BCDIN3D: variants seen among roughly 807,000 people sequenced by gnomAD.
BCDIN3D encodes BCDIN3 domain containing RNA methyltransferase.
BCDIN3D carries 15 observed loss-of-function variants against 21.2 expected under a neutral mutation model. The ratio of observed to expected loss-of-function variants is 0.71; its 90% CI spans 0.47 to 1.09. The LOEUF (loss-of-function observed/expected upper bound fraction) is 1.09, where lower values mean the gene tolerates loss of function less well. BCDIN3D is among the 50% of genes least tolerant of loss of function. The probability of loss-of-function intolerance (pLI) is 0.00; values close to 1 mark genes in which losing one functional copy is unlikely to be tolerated. For synonymous variants in BCDIN3D, 127 were observed against 141.9 expected, an observed-to-expected ratio of 0.90 and a Z score of 0.75; for missense variants, 331 against 366.2, an observed-to-expected ratio of 0.90 and a Z score of 0.79.
At position 49,837,270 on chromosome 12, in the gene BCDIN3D, G is replaced by A. The variant is rs1946511932; in HGVS notation, c.*1101C>T. On this transcript the variant is annotated 3_prime_UTR_variant, in exon 2 of 2. Transcript: ENST00000333924. ...TTTGGGGACCATAAGCATGTAGGTA[G>A]TTGTTTTTTTTTTTGTTTTTTTTTT... is the stretch of plus-strand genomic sequence containing the variant. 7.2e-6 allele frequency: 1 copy of A among 137,972 alleles called. No homozygotes were observed. The highest frequency in any genetic ancestry group is 2.7e-5 in the African/African-American group (1 of 36,490). The allele number at this position is 137,972 out of a possible 1,614,324, so 8.5% of individuals were successfully genotyped here. A position where few individuals can be genotyped will look rare whatever the true frequency, so the allele number is the denominator to read the frequency against.
chr12:49,838,907 G>C lies in BCDIN3D; in HGVS notation c.343C>G (p.Leu115Val), dbSNP rs1271161674. 6.2e-7 allele frequency: 1 copy of C among 1,614,188 alleles called. No individual in the cohort carries two copies. The highest frequency in any genetic ancestry group is 8.5e-7 in the Non-Finnish European group (1 of 1,180,048). ...CATTCTTTTTCGGCTCGCTTCACCAGGACTGGATCTATGTCGCAGCAGAGG... is the reference window on the plus strand; with the variant it reads ...CATTCTTTTTCGGCTCGCTTCACCACGACTGGATCTATGTCGCAGCAGAGG... Reference protein sequence around the residue: ...RLLCCDIDPVLVKRAEKECPF... With the variant: ...RLLCCDIDPVVVKRAEKECPF... The change falls in exon 2 of 2, where the codon CTG (leucine) becomes GTG (valine). Residue 115 changes from leucine (L) to valine (V), a missense_variant. Leu to Val is a conservative substitution (Grantham distance 32, BLOSUM62 1). Coordinates refer to ENST00000333924, the MANE Select transcript of BCDIN3D (RefSeq NM_181708.3).
chr12:49,843,082 C>A lies in BCDIN3D; in HGVS notation c.6G>T (p.Ala2=), dbSNP rs1175948033. Reference sequence around the variant, plus strand: ...TCCCTCCATCCAGTTCCGTGGGCACCGCCATTAGCCTCAACACAGCCTCTG... The same window carrying A: ...TCCCTCCATCCAGTTCCGTGGGCACAGCCATTAGCCTCAACACAGCCTCTG... M[A]VPTELDGGSV... The change falls in exon 1 of 2, where the codon GCG becomes GCT. Residue 2 remains alanine, a synonymous_variant. Coordinates refer to ENST00000333924, the MANE Select transcript of BCDIN3D (RefSeq NM_181708.3). The A allele has an allele frequency of 1.9e-6, 3 of 1,612,498 alleles. No homozygotes were observed. The African/African-American group carries it at 4.0e-5, about 22-fold the overall frequency.
chr12:49,842,911 A>C lies in BCDIN3D; in HGVS notation c.177T>G (p.Phe59Leu). Residue 59 changes from phenylalanine (F) to leucine (L), a missense_variant, in exon 1 of 2, where the codon TTT becomes TTG. Coordinates refer to ENST00000333924, the MANE Select transcript of BCDIN3D (RefSeq NM_181708.3). ...TCGGCCCGTTCTCGGGACTCTCAGG[A>C]AAGAGCTGTCGAAGCAGCTCCGGGG... is the stretch of plus-strand genomic sequence containing the variant. ...LLPPELLRQL[F>L]PESPENGPIL... The C allele has an allele frequency of 1.2e-6, 2 of 1,613,954 alleles. No homozygotes were observed. Among genetic ancestry groups the C allele is most frequent in the Middle Eastern group, 3.3e-4 (2 of 6,060 alleles).
At chr12:49,842,744 C>G in intron 1 of BCDIN3D, 110 bp downstream of exon 1, 3 of 989,700 alleles carry the variant, frequency 3.0e-6, no homozygotes, top group Non-Finnish European at 4.6e-6. Context: ...ACGCTTTATA[C>G]TCGTTTTGGG....
Position 49,838,642 on chromosome 12 carries a change from T to C in BCDIN3D, c.608A>G (p.Tyr203Cys). Residue 203 changes from tyrosine (Y) to cysteine (C), a missense_variant, in exon 2 of 2, where the codon TAC becomes TGC. Tyr to Cys is a radical substitution (Grantham distance 194). Transcript: ENST00000333924. The stretch of plus-strand genomic sequence containing the variant: ...TCGGAGACGCCTTGCAGCTGCCCGG[T>C]AACACTTCCAGGGTTGGGGCTCCAC... The part of the protein sequence containing the change: ...LLVEPQPWKC[Y>C]RAAARRLRKL... The C allele has an allele frequency of 6.2e-7, 1 of 1,613,876 alleles. No individual in the cohort carries two copies. Among genetic ancestry groups the C allele is most frequent in the African/African-American group, 1.3e-5 (1 of 75,020 alleles).
rs749412758 is a variant in BCDIN3D at position 49,838,826 on chromosome 12, G to A, written c.424C>T (p.Arg142Trp). 15 of 1,613,958 alleles carry A rather than the reference G, an allele frequency of 9.3e-6. No homozygotes were observed. Among genetic ancestry groups the A allele is most frequent in the East Asian group, 2.2e-5 (1 of 44,894 alleles). ...AAGAAAGAGCTCAAGAGAACCTTCC[G>A]GGTCCTTTGATTCATGAAGTCCAGG... Reference protein sequence around the residue: ...ITLDFMNQRTRKVLLSSFLSQ... With the variant: ...ITLDFMNQRTWKVLLSSFLSQ... The change falls in exon 2 of 2, where the codon CGG (arginine) becomes TGG (tryptophan). Residue 142 changes from arginine to tryptophan, a missense_variant. Transcript: ENST00000333924.
In BCDIN3D at chr12:49,842,999, G is replaced by C. The variant is rs148917422; in HGVS notation, c.89C>G (p.Pro30Arg). 6 of 1,614,084 alleles carry C rather than the reference G, an allele frequency of 3.7e-6. No homozygotes were observed. In the Admixed American group the frequency reaches 8.3e-5, roughly 22 times the overall value. ...ESRVLAPGAA[P>R]FGNFPHYSRF... is the part of the protein sequence containing the mutation. ...AGAATAATGAGGAAAATTTCCGAAC[G>C]GGGCGGCGCCAGGTGCCAGAACTCG... The change falls in exon 1 of 2, where the codon CCG (proline) becomes CGG (arginine). Residue 30 changes from proline to arginine, a missense_variant. By Grantham distance (103) the Pro-to-Arg change is moderately radical (BLOSUM62 -2). Coordinates refer to ENST00000333924, the MANE Select transcript of BCDIN3D (RefSeq NM_181708.3).
intron 1 of BCDIN3D, chr12:49,842,523 G>C: frequency 3.1e-6 from 1 of 317,944 alleles, no homozygotes; most frequent in South Asian, 4.1e-5. Flanking sequence ...GTTCCCAAAC[G>C]TGTGTCTCTG....
chr12:49,842,175 G>A (rs959633410), intron 1 of BCDIN3D, among the ~76,000 whole-genome samples: 12 of 152,184 alleles, frequency 7.9e-5, no homozygotes, highest in Non-Finnish European at 1.5e-4. Context: ...CCGCCTCCCG[G>A]GTTCACGCCA....
Position 49,836,994 on chromosome 12 carries a change from C to T in BCDIN3D, c.*1377G>A, listed in dbSNP as rs1168419427. 2.0e-5 allele frequency: 3 copies of T among 152,186 alleles called. No homozygotes were observed. The highest frequency in any genetic ancestry group is 1.9e-4 in the East Asian group (1 of 5,200). The allele number at this position is 152,186 out of a possible 1,614,324, so 9.4% of individuals were successfully genotyped here. A position where few individuals can be genotyped will look rare whatever the true frequency, so the allele number is the denominator to read the frequency against. On this transcript the variant is annotated 3_prime_UTR_variant, in exon 2 of 2. Coordinates refer to ENST00000333924, the MANE Select transcript of BCDIN3D (RefSeq NM_181708.3). Reference sequence around the variant, plus strand: ...GGACACATGTATGGAATGAAACTTACATGTAATTGATAGAATTTGCTGCTG... The same window carrying T: ...GGACACATGTATGGAATGAAACTTATATGTAATTGATAGAATTTGCTGCTG...
At chr12:49,839,207 A>G (rs1472371277) in intron 1 of BCDIN3D, 192 bp from the exon 2 acceptor site, 2 of 588,810 alleles carry the variant, frequency 3.4e-6, no homozygotes, top group African/African-American at 3.7e-5. Flanking sequence ...CAGGGGTCAC[A>G]TGCTGTAATG....
rs1325804657 is a variant in BCDIN3D, at chr12:49,836,741, G to A, written c.*1630C>T. On this transcript the variant is annotated 3_prime_UTR_variant, in exon 2 of 2. Coordinates refer to ENST00000333924, the MANE Select transcript of BCDIN3D (RefSeq NM_181708.3). ...GAGATGTTTTTCTCATAAGCCTCCA[G>A]TCTAACAAGTGCAGTTGTGGTCTGC... 6.6e-6 allele frequency: 1 copy of A among 152,220 alleles called. No individual in the cohort carries two copies. The highest frequency in any genetic ancestry group is 1.5e-5 in the Non-Finnish European group (1 of 68,050). 9.4% of individuals were successfully genotyped at this position (152,220 alleles called of 1,614,324 possible).
rs191135776 is a variant in BCDIN3D, at chr12:49,842,885, A to C, written c.203T>G (p.Ile68Ser). 3 of 1,610,988 alleles carry C rather than the reference A, an allele frequency of 1.9e-6. No individual in the cohort carries two copies. The African/African-American group carries it at 4.0e-5, about 21-fold the overall frequency. Residue 68 changes from isoleucine to serine, a missense_variant, in exon 1 of 2, where the codon ATT becomes AGT. Coordinates refer to ENST00000333924, the MANE Select transcript of BCDIN3D (RefSeq NM_181708.3). ...GTTACACCCCACGTCGAGCCCCAGA[A>C]TCGGCCCGTTCTCGGGACTCTCAGG... ...LFPESPENGPILGLDVGCNSG... is the reference protein window; with the variant it reads ...LFPESPENGPSLGLDVGCNSG...
rs765821129 is a variant in BCDIN3D at position 49,838,894 on chromosome 12, G to A, written c.356C>T (p.Ala119Val). The A allele has an allele frequency of 3.7e-6, 6 of 1,614,134 alleles. No individual in the cohort carries two copies. The Middle Eastern group carries it at 6.6e-4, about 178-fold the overall frequency. The change falls in exon 2 of 2, where the codon GCC (alanine) becomes GTC (valine). Residue 119 changes from alanine (A) to valine (V), a missense_variant. Transcript: ENST00000333924. ...CDIDPVLVKR[A>V]EKECPFPDAL... The stretch of plus-strand genomic sequence containing the variant: ...ATCAGGAAAAGGACATTCTTTTTCG[G>A]CTCGCTTCACCAGGACTGGATCTAT...
chr12:49,839,139 AC>A, intron 1 of BCDIN3D, 124 bp from the exon 2 acceptor site: 1 of 1,195,226 alleles, frequency 8.4e-7, no homozygotes, highest in Non-Finnish European at 1.1e-6. Context: ...AGGTTCCTAA[AC>A]CATAACCTAA....
rs550988096 is a variant in BCDIN3D at position 49,842,843 on chromosome 12, C to T, written c.234+11G>A. On this transcript the variant is annotated intron_variant, in intron 1 of 1. Transcript: ENST00000333924. ...GGCTCCGGATGCTCCAATCCCTCCC[C>T]TGTCACTCACCCCGGAGTTACACCC... 5 of 1,583,400 alleles carry T rather than the reference C, an allele frequency of 3.2e-6. No homozygotes were observed. The highest frequency in any genetic ancestry group is 4.3e-6 in the Non-Finnish European group (5 of 1,163,152).
rs1203561142 is a variant in BCDIN3D, at chr12:49,838,295, G to A, written c.*76C>T. ...GGTTTTGCGGCTGCCTGATTGTTAA[G>A]GAATTAAGGAGAATGAACATAATTC... is the stretch of plus-strand genomic sequence containing the variant. On this transcript the variant is annotated 3_prime_UTR_variant, in exon 2 of 2. Coordinates refer to ENST00000333924, the MANE Select transcript of BCDIN3D (RefSeq NM_181708.3). 1.4e-6 allele frequency: 2 copies of A among 1,448,884 alleles called. No homozygotes were observed. Among genetic ancestry groups the A allele is most frequent in the African/African-American group, 2.8e-5 (2 of 70,376 alleles). 89.8% of individuals were successfully genotyped at this position (1,448,884 alleles called of 1,614,324 possible).
Position 49,838,239 on chromosome 12 carries a change from G to A in BCDIN3D, c.*132C>T. 1.2e-6 allele frequency: 1 copy of A among 852,014 alleles called. No individual in the cohort carries two copies. Among genetic ancestry groups the A allele is most frequent in the Non-Finnish European group, 1.8e-6 (1 of 549,034 alleles). The allele number at this position is 852,014 out of a possible 1,614,324, so 52.8% of individuals were successfully genotyped here. A position where few individuals can be genotyped will look rare whatever the true frequency, so the allele number is the denominator to read the frequency against. On this transcript the variant is annotated 3_prime_UTR_variant, in exon 2 of 2. Transcript: ENST00000333924. ...CAGATACTGATTCTTTCAATTATGT[G>A]CCTTGGACATTTTACCAAAAGCTCC...
rs1185335433 is a variant in BCDIN3D at position 49,837,285 on chromosome 12, G to GTTTTTTTTTTTTTT, written c.*1072_*1085dup. On this transcript the variant is annotated 3_prime_UTR_variant, in exon 2 of 2. Transcript: ENST00000333924. Reference sequence around the variant, plus strand: ...CATGTAGGTAGTTGTTTTTTTTTTTGTTTTTTTTTTTTTTTTTTTTGAGAC... The same window carrying GTTTTTTTTTTTTTT: ...CATGTAGGTAGTTGTTTTTTTTTTTGTTTTTTTTTTTTTTTTTTTTTTTTTTTTTTTTTTGAGAC... 1.7e-4 allele frequency: 16 copies of GTTTTTTTTTTTTTT among 91,910 alleles called. No homozygotes were observed. Among genetic ancestry groups the GTTTTTTTTTTTTTT allele is most frequent in the Non-Finnish European group, 2.5e-4 (12 of 47,694 alleles). The allele number at this position is 91,910 out of a possible 1,614,324, so 5.7% of individuals were successfully genotyped here.
Sources: allele counts gnomAD v4.1 joint callset (sites outside exome capture counted in the v4.1 genomes callset), GRCh38; gene constraint gnomAD v4.1.1; transcripts MANE v1.5; gene names NCBI Gene and HGNC (gene_info 2026-07-23, HGNC 2026-07-21).